TNFAIP8: variants seen among roughly 807,000 people sequenced by gnomAD.
TNFAIP8 encodes TNF alpha induced protein 8, also known as tumor necrosis factor alpha-induced protein 8.
A neutral mutation model predicts 13.3 loss-of-function variants in TNFAIP8; 7 were observed. That is an observed-to-expected ratio of 0.52 (90% CI 0.30 to 0.99). The LOEUF (loss-of-function observed/expected upper bound fraction) is 0.99, where lower values mean the gene tolerates loss of function less well. TNFAIP8 is among the 50% of genes least tolerant of loss of function. The pLI is 0.07. For missense variants in TNFAIP8, 258 were observed against 236.9 expected (o/e 1.09, Z -0.58); for synonymous variants, 94 against 87.6 (o/e 1.07, Z -0.41).
At chr5:119,391,422 T>A (rs931122574) in intron 1 of TNFAIP8, 1 of 702,332 alleles carries the variant, frequency 1.4e-6, no homozygotes, top group Non-Finnish European at 2.6e-6. Flanking sequence ...ACTCAGAGAT[T>A]GAGTAGACAC....
intron 1 of TNFAIP8, among the ~76,000 whole-genome samples, chr5:119,392,048 A>G (rs1029453037): frequency 3.3e-5 from 5 of 152,212 alleles, no homozygotes; most frequent in African/African-American, 1.2e-4. Context: ...TGAAAAGGTT[A>G]TTTCCCCAAA....
intron 1 of TNFAIP8, among the ~76,000 whole-genome samples, chr5:119,291,559 C>T (rs555207603): frequency 2.6e-5 from 4 of 152,120 alleles, no homozygotes; most frequent in South Asian, 2.1e-4. Flanking sequence ...TCTTATTTTG[C>T]GTAAGTTAAA....
At chr5:119,366,804 T>C (rs1306368809) in intron 1 of TNFAIP8, among the ~76,000 whole-genome samples, 1 of 152,238 alleles carries the variant, frequency 6.6e-6, no homozygotes, top group African/African-American at 2.4e-5. Context: ...ATTATTTGGC[T>C]TACTTGGCCA....
chr5:119,297,753 A>C (rs1173971999), intron 1 of TNFAIP8, among the ~76,000 whole-genome samples: 2 of 152,178 alleles, frequency 1.3e-5, no homozygotes, highest in Non-Finnish European at 2.9e-5. Flanking sequence ...GTCTCTTTGT[A>C]GGTCACTCAG....
At chr5:119,268,930 C>A (rs1057023842) in intron 1 of TNFAIP8, 4 of 697,766 alleles carry the variant, frequency 5.7e-6, no homozygotes, top group African/African-American at 1.8e-5. Flanking sequence ...TGGGCGCGCC[C>A]GTCCCGCGCA....
Position 119,399,007 on chromosome 5 carries a change from C to T in TNFAIP8, c.*5626C>T, listed in dbSNP as rs1435380756. ...TATAAAATACTATAAGACATTTAAT[C>T]TCCTGGAAGAGGACTTGCTGATAAT... On this transcript the variant is annotated 3_prime_UTR_variant, in exon 2 of 2. Coordinates refer to ENST00000504771, the MANE Select transcript of TNFAIP8 (RefSeq NM_014350.4). 3 of 146,978 alleles carry T rather than the reference C, an allele frequency of 2.0e-5. No homozygotes were observed. Among genetic ancestry groups the T allele is most frequent in the Admixed American group, 2.0e-4 (3 of 15,052 alleles). The allele number at this position is 146,978 out of a possible 1,614,324, so 9.1% of individuals were successfully genotyped here.
chr5:119,336,219 T>G (rs1027718055), intron 1 of TNFAIP8, among the ~76,000 whole-genome samples: 48 of 152,258 alleles, frequency 3.2e-4, no homozygotes, highest in African/African-American at 1.2e-3. Context: ...ATCTTCTCAT[T>G]TACAAATGCA....
upstream of TNFAIP8, chr5:119,355,972 T>G: frequency 2.0e-6 from 3 of 1,491,524 alleles, no homozygotes; most frequent in Non-Finnish European, 2.7e-6. Context: ...AGGTTTTGAT[T>G]TTAGTGGCTT....
rs555780271 is a variant in TNFAIP8, at chr5:119,336,342, C to T, written c.2-56474C>T. ...GGCACTCTTCCGGCCACCCTGCCTGCCCTGGGGGATACATAACCACATGCA... is the reference window on the plus strand; with the variant it reads ...GGCACTCTTCCGGCCACCCTGCCTGTCCTGGGGGATACATAACCACATGCA... On this transcript the variant is annotated intron_variant, in intron 1 of 1. Transcript: ENST00000274456. Among the ~76,000 whole-genome samples, 7 of 152,284 alleles carry T rather than the reference C, an allele frequency of 4.6e-5. No homozygotes were observed. In the South Asian group the frequency reaches 1.5e-3, roughly 32 times the overall value.
At position 119,287,280 on chromosome 5, in the gene TNFAIP8, G is replaced by GTTTTTTTTTTTTTTTTTTTTTTTTTT. The variant is rs58452491; in HGVS notation, c.1+18393_1+18394insTTTTTTTTTTTTTTTTTTTTTTTTTT. Among the ~76,000 whole-genome samples, 2 of 109,236 alleles carry GTTTTTTTTTTTTTTTTTTTTTTTTTT rather than the reference G, an allele frequency of 1.8e-5. 1 individual carries two copies. The highest frequency in any genetic ancestry group is 3.5e-5 in the Non-Finnish European group (2 of 56,762). The allele number at this position is 109,236 out of a possible 152,430, so 71.7% of individuals were successfully genotyped here. On this transcript the variant is annotated intron_variant, in intron 1 of 1. Coordinates refer to the TNFAIP8 transcript ENST00000274456. ...ATAGCTTCCAGGGGACAGTAACCAA[G>GTTTTTTTTTTTTTTTTTTTTTTTTTT]TTTTTTTTTTTTTTTTTTTTGCTTT...
At chr5:119,388,856 CT>C (rs1752783623) in intron 1 of TNFAIP8, among the ~76,000 whole-genome samples, 1 of 150,804 alleles carries the variant, frequency 6.6e-6, no homozygotes, top group Non-Finnish European at 1.5e-5. Context: ...GTTGCCCAGG[CT>C]GGTCTCAAAG....
chr5:119,345,964 A>G (rs1488864417), intron 1 of TNFAIP8, among the ~76,000 whole-genome samples: 1 of 152,216 alleles, frequency 6.6e-6, no homozygotes, highest in Non-Finnish European at 1.5e-5. Flanking sequence ...ACAGGAAGTA[A>G]AGAGAACTTT....
At chr5:119,294,943 C>T (rs1434312706) in intron 1 of TNFAIP8, among the ~76,000 whole-genome samples, 1 of 151,470 alleles carries the variant, frequency 6.6e-6, no homozygotes, top group African/African-American at 2.4e-5. Context: ...GGATATTAGC[C>T]CTTTGTCAGA....
intron 1 of TNFAIP8, among the ~76,000 whole-genome samples, chr5:119,369,055 C>CTTTTT (rs61101551): frequency 1.4e-3 from 143 of 104,970 alleles, no homozygotes; most frequent in African/African-American, 6.1e-3. Flanking sequence ...CTTTTCTTTT[C>CTTTTT]TTTTTTTTTT....
intron 1 of TNFAIP8, among the ~76,000 whole-genome samples, chr5:119,290,246 T>G (rs1748939874): frequency 6.6e-6 from 1 of 151,890 alleles, no homozygotes; most frequent in South Asian, 2.1e-4. Flanking sequence ...ATACACTTTC[T>G]GTGGGTCAGG....
Position 119,320,026 on chromosome 5 carries a change from G to A in TNFAIP8, c.1+51119G>A, listed in dbSNP as rs142261099. Among the ~76,000 whole-genome samples the A allele has an allele frequency of 3.3e-3, 509 of 152,302 alleles. 2 individuals carry two copies. The highest frequency in any genetic ancestry group is 0.012 in the African/African-American group (497 of 41,574). ...CCGAAGAGATCATGAACCATGGGTT[G>A]GTGGTGGGGTGGATGGAGTGTAGAA... On this transcript the variant is annotated intron_variant, in intron 1 of 1. Coordinates refer to the TNFAIP8 transcript ENST00000274456.
At chr5:119,298,163 T>C (rs1749239373) in intron 1 of TNFAIP8, among the ~76,000 whole-genome samples, 1 of 152,192 alleles carries the variant, frequency 6.6e-6, no homozygotes, top group Non-Finnish European at 1.5e-5. Flanking sequence ...TGTTAGCTGG[T>C]TATTTTGCTC....
At chr5:119,269,199 A>G (rs968338926) in intron 1 of TNFAIP8, among the ~76,000 whole-genome samples, 16 of 151,522 alleles carry the variant, frequency 1.1e-4, no homozygotes, top group African/African-American at 3.2e-4. Flanking sequence ...CCTCTTAACC[A>G]CCTCCTGCCG....
chr5:119,283,882 A>G (rs1748705164), intron 1 of TNFAIP8, among the ~76,000 whole-genome samples: 1 of 152,154 alleles, frequency 6.6e-6, no homozygotes, highest in Non-Finnish European at 1.5e-5. Flanking sequence ...AAACAAAACA[A>G]AACTGTTTCT....
Sources: allele counts gnomAD v4.1 joint callset (sites outside exome capture counted in the v4.1 genomes callset), GRCh38; gene constraint gnomAD v4.1.1; transcripts MANE v1.5; gene names NCBI Gene and HGNC (gene_info 2026-07-23, HGNC 2026-07-21).